SLC38A8: variants seen among roughly 807,000 people sequenced by gnomAD.
SLC38A8 encodes amino acid transporter SLC38A8.
Under a neutral mutation model 46.0 loss-of-function variants are expected in SLC38A8, and 65 were observed. The ratio of observed to expected loss-of-function variants is 1.41; its 90% CI spans 1.16 to 1.74. SLC38A8 has a LOEUF of 1.74. Ranked by LOEUF, SLC38A8 falls within the 40% of genes most tolerant of loss-of-function variation. SLC38A8 has a pLI of 0.00. For synonymous variants in SLC38A8, 447 were observed against 243.7 expected (o/e 1.83, Z -7.77); for missense variants, 998 against 567.9 (o/e 1.76, Z -7.70).
chr16:84,038,336 G>C (rs2085325765), intron 2 of SLC38A8, among the ~76,000 whole-genome samples: 1 of 151,910 alleles, frequency 6.6e-6, no homozygotes, highest in African/African-American at 2.4e-5. Flanking sequence ...CAGATGTACA[G>C]GAAAGTTGCA....
intron 3 of SLC38A8, among the ~76,000 whole-genome samples, chr16:84,034,370 G>A (rs138402561): frequency 3.9e-4 from 60 of 152,332 alleles, no homozygotes; most frequent in Non-Finnish European, 6.6e-4. Flanking sequence ...AGAATGTGGG[G>A]CCATTTTTAT....
In SLC38A8 at chr16:84,042,571, G is replaced by A. The variant is rs977505546; in HGVS notation, c.-23C>T. On this transcript the variant is annotated 5_prime_UTR_variant, in exon 1 of 11. Coordinates refer to ENST00000299709, the MANE Select transcript of SLC38A8 (RefSeq NM_001080442.3). The stretch of plus-strand genomic sequence containing the variant: ...CTTACCACCAAATCCAACTTTTAAG[G>A]TGCCGGACAGTCTTTGGCTGTTGGG... 1 of 160,622 alleles carries A rather than the reference G, an allele frequency of 6.2e-6. No homozygotes were observed. Among genetic ancestry groups the A allele is most frequent in the Non-Finnish European group, 1.4e-5 (1 of 73,398 alleles). 9.9% of individuals were successfully genotyped at this position (160,622 alleles called of 1,614,324 possible).
At chr16:84,019,592 T>C (rs572111695) in intron 7 of SLC38A8, among the ~76,000 whole-genome samples, 10 of 152,330 alleles carry the variant, frequency 6.6e-5, no homozygotes, top group African/African-American at 2.4e-4. Context: ...ATTCTGTCCC[T>C]GAGTCCCCAA....
At chr16:84,043,005 G>A (rs980235504), upstream of SLC38A8, among the ~76,000 whole-genome samples, 1 of 152,088 alleles carries the variant, frequency 6.6e-6, no homozygotes, top group East Asian at 1.9e-4. Context: ...CCTCTCCAAG[G>A]TCCCCAGCCC....
chr16:84,043,306 C>T (rs967643078), upstream of SLC38A8, among the ~76,000 whole-genome samples: 4 of 152,204 alleles, frequency 2.6e-5, no homozygotes, highest in Non-Finnish European at 5.9e-5. Context: ...GGCCCCATTC[C>T]GGAAAATGCT....
At chr16:84,023,966 C>A (rs7184659) in intron 6 of SLC38A8, among the ~76,000 whole-genome samples, 58,354 of 152,072 alleles carry the variant, frequency 0.38, 12,358 homozygotes, top group African/African-American at 0.55. Context: ...AAGATAAACA[C>A]TTCTACACCA....
intron 7 of SLC38A8, among the ~76,000 whole-genome samples, chr16:84,021,809 A>C (rs1474577480): frequency 6.6e-6 from 1 of 152,226 alleles, no homozygotes; most frequent in South Asian, 2.1e-4. Flanking sequence ...ACAGTTATGG[A>C]GATTGAGAAG....
At position 84,041,770 on chromosome 16, in the gene SLC38A8, C is replaced by A. The variant is rs573572980; in HGVS notation, c.189+199G>T. Among the ~76,000 whole-genome samples the A allele has an allele frequency of 2.0e-5, 3 of 152,308 alleles. No homozygotes were observed. In the East Asian group the frequency reaches 5.8e-4, roughly 29 times the overall value. ...GAAGCTGTGTATCAGATGCCACCAG[C>A]GCCCACGGGGGATATTCTCATCCCA... On this transcript the variant is annotated intron_variant, in intron 2 of 10. Coordinates refer to ENST00000299709, the MANE Select transcript of SLC38A8 (RefSeq NM_001080442.3).
chr16:84,010,928 GGCA>G, intron 10 of SLC38A8, among the ~76,000 whole-genome samples: 1 of 152,262 alleles, frequency 6.6e-6, no homozygotes, highest in East Asian at 1.9e-4. Flanking sequence ...GGCTGGGACT[GGCA>G]GCCACCGAGG....
intron 6 of SLC38A8, among the ~76,000 whole-genome samples, chr16:84,028,502 A>AGG (rs2085193418): frequency 6.6e-6 from 1 of 151,368 alleles, no homozygotes; most frequent in Non-Finnish European, 1.5e-5. Flanking sequence ...CAGGAGGTGC[A>AGG]GTGCAGTGAG....
chr16:84,031,735 G>A lies in SLC38A8; in HGVS notation c.632+132C>T, dbSNP rs142107989. On this transcript the variant is annotated intron_variant, in intron 5 of 10. Transcript: ENST00000299709. ...CCCTTGCCTTCACCGCATCAGAGAC[G>A]GAAAGAACTGGAAGGAAGGAGCCCA... 1,502 of 749,574 alleles carry A rather than the reference G, an allele frequency of 2.0e-3. 4 individuals carry two copies. Among genetic ancestry groups the A allele is most frequent in the Admixed American group, 2.8e-3 (113 of 40,728 alleles). The allele number at this position is 749,574 out of a possible 1,614,324, so 46.4% of individuals were successfully genotyped here.
chr16:84,027,117 T>C (rs1376871147), intron 6 of SLC38A8, among the ~76,000 whole-genome samples: 1 of 152,118 alleles, frequency 6.6e-6, no homozygotes, highest in Non-Finnish European at 1.5e-5. Flanking sequence ...TTTGGGAGGC[T>C]GAGGTGGGCA....
At chr16:84,027,267 T>C (rs1229922385) in intron 6 of SLC38A8, among the ~76,000 whole-genome samples, 3 of 152,132 alleles carry the variant, frequency 2.0e-5, no homozygotes, top group African/African-American at 7.2e-5. Flanking sequence ...GGAGAATCGC[T>C]TGAACCCAGG....
chr16:84,024,188 A>T (rs902608911), intron 6 of SLC38A8, among the ~76,000 whole-genome samples: 6 of 151,908 alleles, frequency 3.9e-5, no homozygotes, highest in African/African-American at 1.2e-4. Flanking sequence ...CGCAAACCCC[A>T]CTCTGTGGTG....
chr16:84,023,568 C>T (rs1039742299), intron 6 of SLC38A8, among the ~76,000 whole-genome samples: 6 of 152,004 alleles, frequency 3.9e-5, no homozygotes, highest in African/African-American at 1.2e-4. Flanking sequence ...TCAACACAGA[C>T]GAATCTCAGT....
At chr16:84,036,604 C>T (rs2085301769) in intron 3 of SLC38A8, 98 bp downstream of exon 3, 1 of 1,397,536 alleles carries the variant, frequency 7.2e-7, no homozygotes, top group Non-Finnish European at 9.9e-7. Flanking sequence ...TCCCTCAGGG[C>T]CCAGGCCAGG....
intron 3 of SLC38A8, 80 bp from the exon 4 acceptor site, chr16:84,033,549 G>C: frequency 6.8e-7 from 1 of 1,465,482 alleles, no homozygotes; most frequent in South Asian, 1.4e-5. Flanking sequence ...CTTCAACCCT[G>C]GCTGGGGTTG....
intron 3 of SLC38A8, among the ~76,000 whole-genome samples, chr16:84,034,225 T>G (rs75029627): frequency 6.6e-6 from 1 of 152,214 alleles, no homozygotes; most frequent in East Asian, 1.9e-4. Context: ...AGAAGCTGCC[T>G]GTCCTCTTAA....
chr16:84,019,913 G>C (rs1331806608), intron 7 of SLC38A8, among the ~76,000 whole-genome samples: 5 of 152,236 alleles, frequency 3.3e-5, no homozygotes, highest in African/African-American at 9.6e-5. Flanking sequence ...CCACCCCCTG[G>C]ACACACTGAG....
Sources: allele counts gnomAD v4.1 joint callset (sites outside exome capture counted in the v4.1 genomes callset), GRCh38; gene constraint gnomAD v4.1.1; transcripts MANE v1.5; gene names NCBI Gene and HGNC (gene_info 2026-07-23, HGNC 2026-07-21).